SATB2: variants seen among roughly 807,000 people sequenced by gnomAD.
The protein encoded by SATB2 is SATB homeobox 2.
A neutral mutation model predicts 73.4 loss-of-function variants in SATB2; 1 was observed. That is an observed-to-expected ratio of 0.01 (90% CI 0.00 to 0.06). SATB2 has a LOEUF of 0.06. Ranked by LOEUF, SATB2 falls within the 10% of genes least tolerant of loss-of-function variation. SATB2 has a pLI of 1.00. For synonymous variants in SATB2, 397 were observed against 367.0 expected (o/e 1.08, Z -0.93); for missense variants, 459 against 945.8 (o/e 0.49, Z 6.75).
chr2:199,295,449 C>G (rs1341643409), intron 10 of SATB2, among the ~76,000 whole-genome samples: 1 of 151,718 alleles, frequency 6.6e-6, no homozygotes, highest in Non-Finnish European at 1.5e-5. Flanking sequence ...TTGGATAATC[C>G]ACCAGTTTTT....
At chr2:199,379,285 G>A (rs73067540) in intron 5 of SATB2, among the ~76,000 whole-genome samples, 3,095 of 152,164 alleles carry the variant, frequency 0.02, 104 homozygotes, top group African/African-American at 0.07. Context: ...TTTATGGTGC[G>A]TTCACTAAAA....
chr2:199,435,165 A>T (rs1165362442), intron 2 of SATB2, among the ~76,000 whole-genome samples: 2 of 151,304 alleles, frequency 1.3e-5, no homozygotes, highest in Admixed American at 1.3e-4. Flanking sequence ...ATTTAAAAAT[A>T]TAAGATACGA....
chr2:199,437,845 C>T (rs948873081), intron 2 of SATB2, among the ~76,000 whole-genome samples: 8 of 151,716 alleles, frequency 5.3e-5, no homozygotes, highest in South Asian at 2.1e-4. Flanking sequence ...TCAATGTTCA[C>T]GATACTAAAA....
chr2:199,348,707 G>A lies in SATB2; in HGVS notation c.1167C>T (p.Arg389=), dbSNP rs1279739101. ...QAVFARVAFN[R]TQGLLSEILR... ...TGTTTAATGCTAATTGTACCTGTGT[G>A]CGGTTGAATGCCACTCTTGCAAAGA... Residue 389 remains arginine, a synonymous_variant, in exon 7 of 11, where the codon CGC becomes CGT. Transcript: ENST00000417098. 2.5e-6 allele frequency: 4 copies of A among 1,573,578 alleles called. No homozygotes were observed. The highest frequency in any genetic ancestry group is 3.4e-6 in the Non-Finnish European group (4 of 1,159,754).
At chr2:199,346,030 A>G (rs1379354387) in intron 7 of SATB2, among the ~76,000 whole-genome samples, 1 of 152,232 alleles carries the variant, frequency 6.6e-6, no homozygotes, top group African/African-American at 2.4e-5. Context: ...ATATCTTTAC[A>G]CCAAAAAGAG....
intron 3 of SATB2, among the ~76,000 whole-genome samples, chr2:199,399,464 G>A (rs1690404413): frequency 6.6e-6 from 1 of 152,144 alleles, no homozygotes; most frequent in Non-Finnish European, 1.5e-5. Context: ...CTGCATGCCA[G>A]ACCCTTTATC....
At chr2:199,397,701 C>A in intron 3 of SATB2, 1 of 340,236 alleles carries the variant, frequency 2.9e-6, no homozygotes, top group Non-Finnish European at 5.9e-6. Flanking sequence ...CCAGCCTGGC[C>A]AATATAGTGA....
chr2:199,320,030 A>C (rs535380491), intron 9 of SATB2, among the ~76,000 whole-genome samples: 1 of 152,184 alleles, frequency 6.6e-6, no homozygotes, highest in African/African-American at 2.4e-5. Context: ...TGATTGGGTA[A>C]AATTGGGAAG....
At chr2:199,382,715 C>A (rs1689816176) in intron 3 of SATB2, among the ~76,000 whole-genome samples, 1 of 151,956 alleles carries the variant, frequency 6.6e-6, no homozygotes, top group Admixed American at 6.5e-5. Flanking sequence ...ATAGAGAAAC[C>A]CATTTCACAT....
At chr2:199,462,585 G>GCGT (rs1559070808), upstream of SATB2, among the ~76,000 whole-genome samples, 5 of 152,144 alleles carry the variant, frequency 3.3e-5, no homozygotes, top group African/African-American at 1.2e-4. This position sits in a 1 kb window ranked among gnomAD's most constrained non-coding sequence, Gnocchi z 5.9. Flanking sequence ...TTCCTCGTTG[G>GCGT]CATCAGAGCC....
At chr2:199,351,939 C>G (rs980123356) in intron 6 of SATB2, among the ~76,000 whole-genome samples, 1 of 152,176 alleles carries the variant, frequency 6.6e-6, no homozygotes, top group Non-Finnish European at 1.5e-5. Flanking sequence ...GGTGTGATCT[C>G]CATTCACTGC....
chr2:199,307,224 T>A (rs562996646), intron 10 of SATB2, among the ~76,000 whole-genome samples: 2 of 152,188 alleles, frequency 1.3e-5, no homozygotes, highest in Non-Finnish European at 1.5e-5. Flanking sequence ...TCAAAGAGTA[T>A]GTTATGAAAT....
At position 199,427,312 on chromosome 2, in the gene SATB2, G is replaced by A. The variant is rs537198139; in HGVS notation, c.346+6026C>T. ...GAAAAGAATTTTTTTAAGTGTGAAA[G>A]AATAGATAACCCATAGATTCAAAAA... On this transcript the variant is annotated intron_variant, in intron 3 of 10. Coordinates refer to ENST00000417098, the MANE Select transcript of SATB2 (RefSeq NM_001172509.2). Among the ~76,000 whole-genome samples, 505 of 151,510 alleles carry A rather than the reference G, an allele frequency of 3.3e-3. 1 individual carries two copies. The highest frequency in any genetic ancestry group is 4.1e-3 in the Non-Finnish European group (276 of 67,890).
intron 7 of SATB2, among the ~76,000 whole-genome samples, chr2:199,342,607 G>A (rs1453395991): frequency 1.3e-5 from 2 of 152,070 alleles, no homozygotes; most frequent in Non-Finnish European, 2.9e-5. Flanking sequence ...CCTCTAATGT[G>A]CTGTATCCCT....
intron 9 of SATB2, among the ~76,000 whole-genome samples, chr2:199,313,982 T>C (rs1392540785): frequency 6.6e-6 from 1 of 152,186 alleles, no homozygotes; most frequent in East Asian, 1.9e-4. Flanking sequence ...GTTACTCTCT[T>C]AGATGGAATG....
At chr2:199,383,279 G>A (rs993444040) in intron 3 of SATB2, among the ~76,000 whole-genome samples, 1 of 152,096 alleles carries the variant, frequency 6.6e-6, no homozygotes, top group African/African-American at 2.4e-5. Flanking sequence ...TTCTTGCGGG[G>A]ATAGTTTTCT....
At chr2:199,428,748 T>C (rs1179036664) in intron 3 of SATB2, among the ~76,000 whole-genome samples, 2 of 152,188 alleles carry the variant, frequency 1.3e-5, no homozygotes, top group Admixed American at 1.3e-4. Context: ...GCTCTAAGAA[T>C]TGCCTGGGTA....
chr2:199,335,258 C>T (rs1248955819), intron 7 of SATB2, among the ~76,000 whole-genome samples: 3 of 151,978 alleles, frequency 2.0e-5, no homozygotes, highest in East Asian at 1.9e-4. Context: ...GCATTTTTGT[C>T]GGATGGGGTG....
At chr2:199,298,664 C>T (rs1283385334) in intron 10 of SATB2, among the ~76,000 whole-genome samples, 2 of 152,002 alleles carry the variant, frequency 1.3e-5, no homozygotes, top group Admixed American at 6.6e-5. Flanking sequence ...ACCTTCATCC[C>T]CTATTTCAAC....
Sources: allele counts gnomAD v4.1 joint callset (sites outside exome capture counted in the v4.1 genomes callset), GRCh38; gene constraint gnomAD v4.1.1; non-coding constraint Gnocchi (gnomAD v3.1); transcripts MANE v1.5; gene names NCBI Gene and HGNC (gene_info 2026-07-23, HGNC 2026-07-21).